HIP1: variants seen among roughly 807,000 people sequenced by gnomAD.
HIP1 encodes the protein huntingtin interacting protein 1.
HIP1 carries 65 observed loss-of-function variants against 147.6 expected under a neutral mutation model. The ratio of observed to expected loss-of-function variants is 0.44; its 90% CI spans 0.36 to 0.54. The LOEUF (loss-of-function observed/expected upper bound fraction) is 0.54. HIP1 is among the 20% of genes least tolerant of loss of function. HIP1 has a pLI of 0.00. For synonymous variants in HIP1, 479 were observed against 504.0 expected (o/e 0.95, Z 0.67); for missense variants, 1,061 against 1,299.6 (o/e 0.82, Z 2.82).
intron 1 of HIP1, among the ~76,000 whole-genome samples, chr7:75,688,935 G>T (rs924725195): frequency 6.6e-6 from 1 of 152,164 alleles, no homozygotes; most frequent in African/African-American, 2.4e-5. Context: ...CTGCAGCCAC[G>T]CGCAGGACCC....
intron 1 of HIP1, chr7:75,639,029 CA>C: frequency 1.0e-6 from 1 of 974,646 alleles, no homozygotes; most frequent in Non-Finnish European, 1.2e-6. Flanking sequence ...GGGCTCGGGG[CA>C]AAGCCCCTGC....
chr7:75,631,380 C>T (rs1051450484), intron 1 of HIP1, among the ~76,000 whole-genome samples: 14 of 152,150 alleles, frequency 9.2e-5, no homozygotes, highest in African/African-American at 2.9e-4. Context: ...AACTTGTCTA[C>T]GATCTGAGAG....
intron 1 of HIP1, among the ~76,000 whole-genome samples, chr7:75,728,812 A>ACAGGGAC (rs1460539428): frequency 6.9e-6 from 1 of 144,896 alleles, no homozygotes; most frequent in Admixed American, 6.9e-5. Context: ...AAAAAAAAGG[A>ACAGGGAC]CAGGGACCAG....
intron 25 of HIP1, among the ~76,000 whole-genome samples, chr7:75,545,688 G>A (rs1480835555): frequency 1.3e-5 from 2 of 151,980 alleles, no homozygotes; most frequent in Admixed American, 6.6e-5. Flanking sequence ...GTTCACGCCT[G>A]TAATCCCAGC....
At position 75,536,625 on chromosome 7, in the gene HIP1, C is replaced by T. The variant is rs183402903; in HGVS notation, c.*1547G>A. ...ATGTGCCCTCTGTCCTCATCCTGTCCACAGGGCAGCGAGAGCCTGGGGCAT... is the reference window on the plus strand; with the variant it reads ...ATGTGCCCTCTGTCCTCATCCTGTCTACAGGGCAGCGAGAGCCTGGGGCAT... On this transcript the variant is annotated 3_prime_UTR_variant, in exon 31 of 31. Coordinates refer to ENST00000336926, the MANE Select transcript of HIP1 (RefSeq NM_005338.7). 4.3e-6 allele frequency: 1 copy of T among 230,302 alleles called. No homozygotes were observed. The highest frequency in any genetic ancestry group is 2.2e-5 in the African/African-American group (1 of 45,288). 14.3% of individuals were successfully genotyped at this position (230,302 alleles called of 1,614,324 possible). A position where few individuals can be genotyped will look rare whatever the true frequency, so the allele number is the denominator to read the frequency against.
At chr7:75,545,951 A>G (rs1408262130) in intron 25 of HIP1, among the ~76,000 whole-genome samples, 1 of 152,174 alleles carries the variant, frequency 6.6e-6, no homozygotes, top group Non-Finnish European at 1.5e-5. Flanking sequence ...AAAACAAACA[A>G]ACAAGCAAAC....
intron 1 of HIP1, among the ~76,000 whole-genome samples, chr7:75,648,056 G>GT (rs1283707834): frequency 2.6e-5 from 4 of 152,254 alleles, no homozygotes; most frequent in African/African-American, 9.6e-5. Flanking sequence ...GCAGGGAGGG[G>GT]TATGCTAGCC....
intron 4 of HIP1, 48 bp from the exon 5 acceptor site, chr7:75,586,881 G>T: frequency 8.8e-7 from 1 of 1,134,388 alleles, no homozygotes; most frequent in Non-Finnish European, 1.3e-6. Context: ...GAACATAACA[G>T]TCAAGAGATC....
Position 75,561,369 on chromosome 7 carries a change from A to G in HIP1, c.1151T>C (p.Ile384Thr). 6.2e-7 allele frequency: 1 copy of G among 1,613,370 alleles called. No individual in the cohort carries two copies. The highest frequency in any genetic ancestry group is 8.5e-7 in the Non-Finnish European group (1 of 1,179,304). The change falls in exon 13 of 31, where the codon ATC (isoleucine) becomes ACC (threonine). Residue 384 changes from isoleucine to threonine, a missense_variant. Physicochemically the swap from Ile to Thr is moderately conservative, Grantham distance 89 (BLOSUM62 -1). Coordinates refer to ENST00000336926, the MANE Select transcript of HIP1 (RefSeq NM_005338.7). ...TTCTAGCTGTGCCTTCAATCCACTG[A>G]TCTCTCTGTATAGTCGCTCAATTAA... ...DHLIERLYRE[I>T]SGLKAQLENM...
At position 75,663,351 on chromosome 7, in the gene HIP1, C is replaced by T. The variant is rs537181886; in HGVS notation, c.121-64104G>A. 3.9e-5 allele frequency among the ~76,000 whole-genome samples: 6 copies of T among 152,230 alleles called. No individual in the cohort carries two copies. In the South Asian group the frequency reaches 1.2e-3, roughly 32 times the overall value. ...GGGTGGCGTACACCTATAGTCCCAG[C>T]TACTCAGGAGGCTGAGGTGGGAGGA... On this transcript the variant is annotated intron_variant, in intron 1 of 30. Transcript: ENST00000336926.
At chr7:75,738,274 C>T (rs1486004071) in intron 1 of HIP1, among the ~76,000 whole-genome samples, 2 of 150,638 alleles carry the variant, frequency 1.3e-5, no homozygotes, top group African/African-American at 4.9e-5. Context: ...TGGGGCTGGC[C>T]AGAGCCAAGC....
At chr7:75,732,780 A>G (rs1467895830) in intron 1 of HIP1, among the ~76,000 whole-genome samples, 1 of 152,096 alleles carries the variant, frequency 6.6e-6, no homozygotes, top group Non-Finnish European at 1.5e-5. Flanking sequence ...TTGCTCAAAC[A>G]TCAGCGTACA....
At chr7:75,594,485 G>A (rs952808744) in intron 2 of HIP1, among the ~76,000 whole-genome samples, 19 of 151,992 alleles carry the variant, frequency 1.3e-4, no homozygotes, top group Non-Finnish European at 1.5e-4. Context: ...TGTAATAAAT[G>A]TCCATCAGGG....
chr7:75,558,076 G>T, intron 15 of HIP1, 91 bp downstream of exon 15: 2 of 995,588 alleles, frequency 2.0e-6, no homozygotes, highest in East Asian at 2.4e-5. Flanking sequence ...CAATGTAGGG[G>T]TTGCTGGCCC....
chr7:75,645,351 C>A (rs550339825), intron 1 of HIP1, among the ~76,000 whole-genome samples: 16 of 152,122 alleles, frequency 1.1e-4, no homozygotes, highest in Admixed American at 9.8e-4. Context: ...CTCAGCCTCC[C>A]GAGTAGCTGG....
intron 1 of HIP1, among the ~76,000 whole-genome samples, chr7:75,643,754 C>A (rs1347339413): frequency 2.0e-5 from 3 of 152,134 alleles, no homozygotes; most frequent in African/African-American, 7.2e-5. Context: ...AATCCCAGAA[C>A]TTTGGGAGGC....
chr7:75,565,736 C>T (rs1554495383), intron 9 of HIP1, among the ~76,000 whole-genome samples: 1 of 129,738 alleles, frequency 7.7e-6, no homozygotes, highest in Non-Finnish European at 1.7e-5. Flanking sequence ...CCCCTCCTTT[C>T]CTTTTTTTTT....
intron 1 of HIP1, among the ~76,000 whole-genome samples, chr7:75,691,941 G>A (rs1321894230): frequency 3.9e-5 from 6 of 152,110 alleles, no homozygotes; most frequent in Admixed American, 3.3e-4. Flanking sequence ...GGGGTGGGGA[G>A]GGGTGAAAGT....
chr7:75,581,969 TC>T, intron 6 of HIP1, 105 bp downstream of exon 6: 1 of 891,654 alleles, frequency 1.1e-6, no homozygotes, highest in Middle Eastern at 2.2e-4. Flanking sequence ...TTGGTCCCCA[TC>T]CCAGCCACGG....
Sources: allele counts gnomAD v4.1 joint callset (sites outside exome capture counted in the v4.1 genomes callset), GRCh38; gene constraint gnomAD v4.1.1; transcripts MANE v1.5; gene names NCBI Gene and HGNC (gene_info 2026-07-23, HGNC 2026-07-21).